Variants in COX7A2L observed in about 807,000 individuals in gnomAD.
COX7A2L encodes cytochrome c oxidase subunit 7A2 like.
COX7A2L carries 18 observed loss-of-function variants against 14.2 expected under a neutral mutation model. That is an observed-to-expected ratio of 1.27 (90% confidence interval 0.88 to 1.88). The LOEUF (loss-of-function observed/expected upper bound fraction) is 1.88. COX7A2L is among the 40% of genes most tolerant of loss of function. The pLI is 0.00. For missense variants in COX7A2L, 179 were observed against 138.8 expected, an observed-to-expected ratio of 1.29 and a Z score of -1.46; for synonymous variants, 65 against 57.4, an observed-to-expected ratio of 1.13 and a Z score of -0.60.
At chr2:42,349,278 A>C (rs1670564760), downstream of COX7A2L, 1 of 152,232 alleles carries the variant, frequency 6.6e-6, no homozygotes, top group African/African-American at 2.4e-5. Flanking sequence ...CAGATAATAG[A>C]GTATCGATTC....
At position 42,351,294 on chromosome 2, in the gene COX7A2L, G is replaced by T; in HGVS notation, c.270C>A (p.Thr90=). Residue 90 remains threonine, a synonymous_variant, in exon 3 of 3, where the codon ACC becomes ACA. Transcript: ENST00000234301. ...GLPDQMLYRT[T]MALTVGGTIY... is the part of the protein sequence containing the mutation. ...TGGTCCCTCCCACAGTCAGCGCCAT[G>T]GTGGTCCGGTAAAGCATTTGGTCAG... 6.2e-7 allele frequency: 1 copy of T among 1,614,186 alleles called. No individual in the cohort carries two copies. The highest frequency in any genetic ancestry group is 8.5e-7 in the Non-Finnish European group (1 of 1,180,026).
At chr2:42,344,626 G>A (rs1670460514), downstream of COX7A2L, among the ~76,000 whole-genome samples, 1 of 152,200 alleles carries the variant, frequency 6.6e-6, no homozygotes, top group Non-Finnish European at 1.5e-5. Context: ...GCTGAGGTGG[G>A]CAGATCCCGA....
chr2:42,347,640 G>A (rs1670524495), downstream of COX7A2L, among the ~76,000 whole-genome samples: 1 of 152,296 alleles, frequency 6.6e-6, no homozygotes, highest in Non-Finnish European at 1.5e-5. Flanking sequence ...AAAATGCGTT[G>A]GCCGGGCGTG....
At position 42,361,079 on chromosome 2, in the gene COX7A2L, G is replaced by C. The variant is rs1395504332; in HGVS notation, c.72+11C>G. On this transcript the variant is annotated intron_variant, in intron 1 of 2. Transcript: ENST00000234301. ...CTTCTCATGTCCGAGCTGGCCAGGCGCCACTCGTACCTGCGGGCTATAGGC... is the reference window on the plus strand; with the variant it reads ...CTTCTCATGTCCGAGCTGGCCAGGCCCCACTCGTACCTGCGGGCTATAGGC... 4 of 1,612,778 alleles carry C rather than the reference G, an allele frequency of 2.5e-6. No homozygotes were observed. Among genetic ancestry groups the C allele is most frequent in the Non-Finnish European group, 3.4e-6 (4 of 1,179,568 alleles).
At chr2:42,352,273 G>C (rs1004574115) in intron 2 of COX7A2L, among the ~76,000 whole-genome samples, 1 of 152,116 alleles carries the variant, frequency 6.6e-6, no homozygotes, top group Non-Finnish European at 1.5e-5. Flanking sequence ...GGGCTAAAGT[G>C]ATCCTCCCGC....
intron 1 of COX7A2L, chr2:42,359,496 A>G (rs555141822): frequency 6.6e-6 from 1 of 152,282 alleles, no homozygotes; most frequent in Admixed American, 6.5e-5. Context: ...GATGATAGAA[A>G]TGGCCATTTT....
chr2:42,359,015 A>C (rs1319079067), intron 1 of COX7A2L: 1 of 152,246 alleles, frequency 6.6e-6, no homozygotes, highest in East Asian at 1.9e-4. Flanking sequence ...CCACCAACAG[A>C]ATAAACTGTG....
Position 42,342,923 on chromosome 2 carries a change from G to A in COX7A2L, c.193-9054C>T, listed in dbSNP as rs1485487165. 6.6e-6 allele frequency among the ~76,000 whole-genome samples: 1 copy of A among 152,112 alleles called. No individual in the cohort carries two copies. The highest frequency in any genetic ancestry group is 6.5e-5 in the Admixed American group (1 of 15,270). ...CACATCCTGCAGCAGTGCCGCACCCGGGCACCGTGGAGCCACAGAGGTCAG... is the reference window on the plus strand; with the variant it reads ...CACATCCTGCAGCAGTGCCGCACCCAGGCACCGTGGAGCCACAGAGGTCAG... On this transcript the variant is annotated intron_variant, in intron 2 of 2. Transcript: ENST00000468711. This position sits in a 1 kb window ranked among gnomAD's most constrained non-coding sequence, Gnocchi z 4.9.
upstream of COX7A2L, among the ~76,000 whole-genome samples, chr2:42,366,188 C>T (rs534902165): frequency 1.3e-5 from 2 of 152,236 alleles, no homozygotes; most frequent in African/African-American, 2.4e-5. Context: ...CCAGCACTTT[C>T]GGAGGCCAAG....
chr2:42,348,046 A>C (rs1168993055), downstream of COX7A2L, among the ~76,000 whole-genome samples: 1 of 152,266 alleles, frequency 6.6e-6, no homozygotes, highest in Admixed American at 6.5e-5. Flanking sequence ...TAGGGAGGTG[A>C]TCAAAGACTG....
At chr2:42,353,499 G>A (rs1245849801) in intron 1 of COX7A2L, among the ~76,000 whole-genome samples, 156 bp from the exon 2 acceptor site, 2 of 152,216 alleles carry the variant, frequency 1.3e-5, no homozygotes, top group African/African-American at 2.4e-5. Context: ...TACGATTGCA[G>A]GGGGCGTGTG....
intron 2 of COX7A2L, 134 bp from the exon 3 acceptor site, chr2:42,351,493 G>A: frequency 1.0e-6 from 1 of 1,000,370 alleles, no homozygotes; most frequent in African/African-American, 1.6e-5. Flanking sequence ...ACTAATCCAT[G>A]GAATGCTAGT....
At chr2:42,344,263 T>A (rs1419268217) in intron 2 of COX7A2L, among the ~76,000 whole-genome samples, 1 of 152,218 alleles carries the variant, frequency 6.6e-6, no homozygotes, top group African/African-American at 2.4e-5. Flanking sequence ...CCCACCTTCA[T>A]CTGGTTAAAA....
intron 2 of COX7A2L, among the ~76,000 whole-genome samples, chr2:42,340,632 G>A (rs561878390): frequency 6.6e-6 from 1 of 152,104 alleles, no homozygotes; most frequent in South Asian, 2.1e-4. Flanking sequence ...CACCCGAGAT[G>A]CCCTCACACC....
chr2:42,357,410 G>C (rs964925672), intron 1 of COX7A2L, among the ~76,000 whole-genome samples: 2 of 152,196 alleles, frequency 1.3e-5, no homozygotes, highest in African/African-American at 4.8e-5. Flanking sequence ...CTAGGCTCAA[G>C]TGATCCTTCC....
In COX7A2L at chr2:42,353,303, A is replaced by G. The variant is rs1670707772; in HGVS notation, c.113T>C (p.Ile38Thr). 2 of 1,614,094 alleles carry G rather than the reference A, an allele frequency of 1.2e-6. No individual in the cohort carries two copies. The highest frequency in any genetic ancestry group is 1.1e-5 in the South Asian group (1 of 91,076). ...PVVSTEAPPI[I>T]FATPTKLTSD... ...GGTCAGTTTAGTTGGTGTGGCAAATATGATAGGTGGTGCTTCTGTGGAAAC... is the reference window on the plus strand; with the variant it reads ...GGTCAGTTTAGTTGGTGTGGCAAATGTGATAGGTGGTGCTTCTGTGGAAAC... The change falls in exon 2 of 3, where the codon ATA becomes ACA. Residue 38 changes from isoleucine to threonine, a missense_variant. Physicochemically the swap from Ile to Thr is moderately conservative, Grantham distance 89 (BLOSUM62 -1). Transcript: ENST00000234301.
Position 42,338,891 on chromosome 2 carries a change from A to G in COX7A2L, c.193-5022T>C, listed in dbSNP as rs1045883492. Among the ~76,000 whole-genome samples, 2 of 152,226 alleles carry G rather than the reference A, an allele frequency of 1.3e-5. No homozygotes were observed. The highest frequency in any genetic ancestry group is 4.8e-5 in the African/African-American group (2 of 41,460). ...AAGATGAAGGCCTTGCCCACATCCAATCCAAAGGGGAGAGACATCCTGGCG... is the reference window on the plus strand; with the variant it reads ...AAGATGAAGGCCTTGCCCACATCCAGTCCAAAGGGGAGAGACATCCTGGCG... On this transcript the variant is annotated intron_variant, in intron 2 of 2. Transcript: ENST00000468711. The surrounding 1 kb of genome is among the most constrained non-coding windows in gnomAD (Gnocchi z 4.4).
chr2:42,358,845 C>A (rs1311354404), intron 1 of COX7A2L, among the ~76,000 whole-genome samples: 2 of 152,054 alleles, frequency 1.3e-5, no homozygotes, highest in Non-Finnish European at 2.9e-5. Flanking sequence ...ATTAAAAGAA[C>A]ATAAACCAAG....
chr2:42,359,110 A>G (rs1670932067), intron 1 of COX7A2L: 1 of 152,252 alleles, frequency 6.6e-6, no homozygotes, highest in Non-Finnish European at 1.5e-5. Context: ...ACTAACCTCA[A>G]AAATATTTTT....
Sources: allele counts gnomAD v4.1 joint callset (sites outside exome capture counted in the v4.1 genomes callset), GRCh38; gene constraint gnomAD v4.1.1; non-coding constraint Gnocchi (gnomAD v3.1); transcripts MANE v1.5; gene names NCBI Gene and HGNC (gene_info 2026-07-23, HGNC 2026-07-21).